ARHGEF3: variants seen among roughly 807,000 people sequenced by gnomAD.
ARHGEF3 encodes the protein Rho guanine nucleotide exchange factor 3.
A neutral mutation model predicts 63.2 loss-of-function variants in ARHGEF3; 28 were observed. The observed-to-expected ratio is 0.44, with a 90% confidence interval of 0.33 to 0.61. The LOEUF is 0.61. Ranked by LOEUF, ARHGEF3 falls within the 20% of genes least tolerant of loss-of-function variation. ARHGEF3 has a pLI of 0.03. For synonymous variants in ARHGEF3, 266 were observed against 254.2 expected (o/e 1.05, Z -0.44); for missense variants, 533 against 659.3 (o/e 0.81, Z 2.10).
At chr3:56,797,892 G>T (rs1348865612) in intron 1 of ARHGEF3, among the ~76,000 whole-genome samples, 4 of 152,272 alleles carry the variant, frequency 2.6e-5, no homozygotes, top group South Asian at 2.1e-4. Context: ...ACACCCTTAG[G>T]TGCTACAAGG....
intron 4 of ARHGEF3, among the ~76,000 whole-genome samples, chr3:56,818,991 G>C (rs188305929): frequency 2.0e-5 from 3 of 152,112 alleles, no homozygotes; most frequent in African/African-American, 7.2e-5. Flanking sequence ...TACATCCTCT[G>C]TCTGAGCTGC....
chr3:56,934,306 A>T (rs1378834016), intron 3 of ARHGEF3, among the ~76,000 whole-genome samples: 1 of 152,252 alleles, frequency 6.6e-6, no homozygotes, highest in East Asian at 1.9e-4. Context: ...GCGTGCTGGC[A>T]GTCCTCAGAG....
chr3:56,787,874 A>C (rs1299204233), intron 1 of ARHGEF3, among the ~76,000 whole-genome samples: 1 of 152,196 alleles, frequency 6.6e-6, no homozygotes, highest in Non-Finnish European at 1.5e-5. Context: ...AGAGGCGTTA[A>C]GGGCCTCGCC....
intron 1 of ARHGEF3, among the ~76,000 whole-genome samples, chr3:56,799,155 T>C (rs893350238): frequency 1.3e-5 from 2 of 152,222 alleles, no homozygotes; most frequent in Admixed American, 6.5e-5. Context: ...AGAATGCTTA[T>C]TTTTGCATAT....
At chr3:56,863,768 C>T (rs1033188188) in intron 4 of ARHGEF3, among the ~76,000 whole-genome samples, 1 of 152,212 alleles carries the variant, frequency 6.6e-6, no homozygotes, top group African/African-American at 2.4e-5. Flanking sequence ...CCTGAAAAAC[C>T]GATAGCACTC....
intron 4 of ARHGEF3, among the ~76,000 whole-genome samples, chr3:56,834,351 G>T (rs2039033728): frequency 6.6e-6 from 1 of 152,118 alleles, no homozygotes; most frequent in African/African-American, 2.4e-5. Flanking sequence ...TATCATTATT[G>T]TAAAAGATGA....
chr3:57,035,383 T>C (rs1373826865), intron 1 of ARHGEF3, among the ~76,000 whole-genome samples: 1 of 152,236 alleles, frequency 6.6e-6, no homozygotes, highest in African/African-American at 2.4e-5. Context: ...AGAGTCTCGC[T>C]CTGTCACCCA....
chr3:56,897,378 A>C (rs1191512847), intron 3 of ARHGEF3, among the ~76,000 whole-genome samples: 1 of 152,114 alleles, frequency 6.6e-6, no homozygotes, highest in African/African-American at 2.4e-5. Context: ...CTTTTCTCCA[A>C]GGAACTCTGG....
chr3:56,801,668 AC>A, intron 1 of ARHGEF3, 34 bp downstream of exon 1: 1 of 1,548,652 alleles, frequency 6.5e-7, no homozygotes, highest in Non-Finnish European at 8.7e-7. Context: ...CAGGCAGATG[AC>A]CCATAGAGGT....
Position 56,761,251 on chromosome 3 carries a change from C to T in ARHGEF3, c.205-6100G>A, listed in dbSNP as rs1385204061. 3.3e-5 allele frequency among the ~76,000 whole-genome samples: 5 copies of T among 152,140 alleles called. No individual in the cohort carries two copies. In the South Asian group the frequency reaches 8.3e-4, roughly 25 times the overall value. Reference sequence around the variant, plus strand: ...TGTTCATAACAGCACTGACCACATACCATGAGCTACCCCTGAACCCATCAT... The same window carrying T: ...TGTTCATAACAGCACTGACCACATATCATGAGCTACCCCTGAACCCATCAT... On this transcript the variant is annotated intron_variant, in intron 2 of 9. Transcript: ENST00000296315.
chr3:56,870,820 A>AAAACTT (rs71621847), intron 4 of ARHGEF3, among the ~76,000 whole-genome samples: 70,939 of 151,544 alleles, frequency 0.47, 17,068 homozygotes, highest in Non-Finnish European at 0.52. Flanking sequence ...ATATAGAAGA[A>AAAACTT]AAAGACAAGG....
chr3:57,017,376 C>G (rs1703066695), intron 2 of ARHGEF3, among the ~76,000 whole-genome samples: 1 of 152,160 alleles, frequency 6.6e-6, no homozygotes, highest in African/African-American at 2.4e-5. Flanking sequence ...CCAGGACATG[C>G]TCTGGGAAGA....
chr3:57,048,168 C>A (rs1704537858), intron 1 of ARHGEF3, among the ~76,000 whole-genome samples: 2 of 152,198 alleles, frequency 1.3e-5, no homozygotes, highest in South Asian at 4.1e-4. Flanking sequence ...ACACCAAGAT[C>A]TGGATCTGCT....
At chr3:56,738,883 G>C (rs1474329572) in intron 7 of ARHGEF3, among the ~76,000 whole-genome samples, 2 of 152,052 alleles carry the variant, frequency 1.3e-5, no homozygotes, top group Admixed American at 6.6e-5. Context: ...TTGAGGTCAG[G>C]AGTTCCAGAC....
chr3:56,854,885 G>T (rs2039814930), intron 4 of ARHGEF3, among the ~76,000 whole-genome samples: 1 of 152,202 alleles, frequency 6.6e-6, no homozygotes, highest in Non-Finnish European at 1.5e-5. Context: ...TTAAGGGATG[G>T]ACACAAGAAG....
chr3:56,741,225 G>C (rs1267895410), intron 7 of ARHGEF3, among the ~76,000 whole-genome samples: 1 of 103,642 alleles, frequency 9.6e-6, no homozygotes, highest in Admixed American at 1.4e-4. Flanking sequence ...CGCTCTTGTT[G>C]CCCAGGCTAG....
chr3:56,770,451 T>C (rs1293231584), intron 2 of ARHGEF3, among the ~76,000 whole-genome samples: 4 of 151,932 alleles, frequency 2.6e-5, no homozygotes, highest in Non-Finnish European at 5.9e-5. Context: ...TAAATTAAAA[T>C]AAAATGAAAT....
intron 1 of ARHGEF3, among the ~76,000 whole-genome samples, chr3:56,788,942 A>G (rs919542130): frequency 6.6e-6 from 1 of 152,190 alleles, no homozygotes; most frequent in African/African-American, 2.4e-5. Flanking sequence ...CTACAAAGGA[A>G]GGAGCTACCT....
At chr3:56,911,552 G>A (rs1032744146) in intron 3 of ARHGEF3, among the ~76,000 whole-genome samples, 1 of 151,976 alleles carries the variant, frequency 6.6e-6, no homozygotes, top group Non-Finnish European at 1.5e-5. Context: ...GACCTTGCCC[G>A]CTCCGAGTCA....
Sources: allele counts gnomAD v4.1 joint callset (sites outside exome capture counted in the v4.1 genomes callset), GRCh38; gene constraint gnomAD v4.1.1; transcripts MANE v1.5; gene names NCBI Gene and HGNC (gene_info 2026-07-23, HGNC 2026-07-21).